Variants in ARHGAP17 observed in about 807,000 individuals in gnomAD.
ARHGAP17 encodes the protein rho GTPase-activating protein 17.
A neutral mutation model predicts 99.5 loss-of-function variants in ARHGAP17; 57 were observed. That is an observed-to-expected ratio of 0.57 (90% confidence interval 0.46 to 0.71). The LOEUF (loss-of-function observed/expected upper bound fraction) is 0.71, where lower values mean the gene tolerates loss of function less well. ARHGAP17 is among the 30% of genes least tolerant of loss of function. The pLI is 0.00. For missense variants in ARHGAP17, 1,000 were observed against 1,122.4 expected (o/e 0.89, Z 1.56); for synonymous variants, 417 against 429.6 (o/e 0.97, Z 0.36).
At chr16:24,934,560 C>A (rs2051083082) in intron 18 of ARHGAP17, among the ~76,000 whole-genome samples, 1 of 150,980 alleles carries the variant, frequency 6.6e-6, no homozygotes. Flanking sequence ...CTCAAGTGAT[C>A]CTCCTGCCTC....
chr16:24,931,139 C>A lies in ARHGAP17; in HGVS notation c.2160G>T (p.Thr720=). ...TGGTGTGCATCAGTGGCGTGGCCTG[C>A]GTAGGGGGCTGCGGCGGTGGGTGAT... The part of the protein sequence containing the change: ...APNHPPPQPP[T]QATPLMHTKP... The change falls in exon 19 of 20, where the codon ACG becomes ACT. Residue 720 remains threonine, a synonymous_variant. Coordinates refer to ENST00000289968, the MANE Select transcript of ARHGAP17 (RefSeq NM_001006634.3). The A allele has an allele frequency of 6.2e-7, 1 of 1,604,218 alleles. No individual in the cohort carries two copies. Among genetic ancestry groups the A allele is most frequent in the South Asian group, 1.1e-5 (1 of 89,188 alleles).
In ARHGAP17 at chr16:24,939,748, C is replaced by A. The variant is rs542927086; in HGVS notation, c.1491-151G>T. The A allele has an allele frequency of 9.3e-6, 7 of 755,018 alleles. No homozygotes were observed. In the South Asian group the frequency reaches 9.8e-5, roughly 11 times the overall value. The allele number at this position is 755,018 out of a possible 1,614,324, so 46.8% of individuals were successfully genotyped here. The stretch of plus-strand genomic sequence containing the variant: ...GCGGCAAGGACCAGACTAATGGCCA[C>A]CCCTGAGCAACTCCACTCGGCTTCA... On this transcript the variant is annotated intron_variant, in intron 16 of 19. Coordinates refer to ENST00000289968, the MANE Select transcript of ARHGAP17 (RefSeq NM_001006634.3).
chr16:24,929,154 CTT>C (rs77376064), intron 19 of ARHGAP17, among the ~76,000 whole-genome samples: 39 of 139,950 alleles, frequency 2.8e-4, no homozygotes, highest in Admixed American at 2.9e-4. Context: ...GAAGATATTC[CTT>C]TTTTTTTTTT....
At chr16:24,975,998 T>C (rs2052502121) in intron 3 of ARHGAP17, among the ~76,000 whole-genome samples, 1 of 151,694 alleles carries the variant, frequency 6.6e-6, no homozygotes, top group Non-Finnish European at 1.5e-5. Context: ...CTGGCCTTGA[T>C]AAAGTCTATG....
chr16:24,977,219 C>G lies in ARHGAP17; in HGVS notation c.194G>C (p.Arg65Thr). Residue 65 changes from arginine to threonine, a missense_variant, in exon 3 of 20, where the codon AGA (arginine) becomes ACA (threonine). Coordinates refer to ENST00000289968, the MANE Select transcript of ARHGAP17 (RefSeq NM_001006634.3). ...TGAGTCACATCTGATACTCACGTGT[C>G]TCCTCTCGGCATCGGTGCCATGCTG... ...QGQHGTDAER[R>T]HKKLPLTALA... The G allele has an allele frequency of 6.3e-7, 1 of 1,579,088 alleles. No homozygotes were observed. Among genetic ancestry groups the G allele is most frequent in the Non-Finnish European group, 8.7e-7 (1 of 1,155,532 alleles).
At chr16:24,976,087 AC>A (rs1381742550) in intron 3 of ARHGAP17, among the ~76,000 whole-genome samples, 1 of 151,958 alleles carries the variant, frequency 6.6e-6, no homozygotes, top group Non-Finnish European at 1.5e-5. Context: ...CCATCTCCTC[AC>A]CCCACCTCAC....
At chr16:24,989,103 G>C (rs570964566) in intron 1 of ARHGAP17, among the ~76,000 whole-genome samples, 1 of 152,310 alleles carries the variant, frequency 6.6e-6, no homozygotes, top group Non-Finnish European at 1.5e-5. Flanking sequence ...GAGCTGAAAA[G>C]CCACACAAAA....
chr16:25,001,307 A>C (rs532417810), intron 1 of ARHGAP17, among the ~76,000 whole-genome samples: 1 of 152,368 alleles, frequency 6.6e-6, no homozygotes, highest in African/African-American at 2.4e-5. Context: ...TTGTACACAC[A>C]AAGTCATGTG....
Position 24,935,458 on chromosome 16 carries a change from G to GTGGCTGCTTACCTCGGC in ARHGAP17, c.1889_1894+11dup. 6.3e-7 allele frequency: 1 copy of GTGGCTGCTTACCTCGGC among 1,576,226 alleles called. No homozygotes were observed. The highest frequency in any genetic ancestry group is 1.1e-5 in the South Asian group (1 of 86,980). On this transcript the variant is annotated intron_variant, in intron 18 of 19. Coordinates refer to ENST00000289968, the MANE Select transcript of ARHGAP17 (RefSeq NM_001006634.3). Reference sequence around the variant, plus strand: ...GGCTTCCCTGAGGGCAAGGAGGACGGTGGCTGCTTACCTCGGCGCAGTGTA... The same window carrying GTGGCTGCTTACCTCGGC: ...GGCTTCCCTGAGGGCAAGGAGGACGGTGGCTGCTTACCTCGGCTGGCTGCTTACCTCGGCGCAGTGTA...
At chr16:24,926,134 A>AAGAG (rs2050837594) in intron 19 of ARHGAP17, among the ~76,000 whole-genome samples, 1 of 151,022 alleles carries the variant, frequency 6.6e-6, no homozygotes, top group African/African-American at 2.5e-5. Flanking sequence ...AAAGAAAAGA[A>AAGAG]AAGAGAAGAG....
chr16:25,010,619 G>C (rs541744942), intron 1 of ARHGAP17, among the ~76,000 whole-genome samples: 2 of 152,360 alleles, frequency 1.3e-5, no homozygotes, highest in South Asian at 4.1e-4. Flanking sequence ...CAATTTCTGA[G>C]TCCTTCTAGA....
At chr16:24,986,460 T>C (rs935461172) in intron 1 of ARHGAP17, among the ~76,000 whole-genome samples, 4 of 152,078 alleles carry the variant, frequency 2.6e-5, no homozygotes, top group African/African-American at 7.3e-5. Context: ...CTCAGAAGAA[T>C]GGTTATTTTA....
chr16:24,941,707 A>C (rs2051317190), intron 16 of ARHGAP17: 1 of 418,466 alleles, frequency 2.4e-6, no homozygotes, highest in African/African-American at 2.0e-5. Context: ...CACTTTTAAC[A>C]TGTGTATGAT....
At chr16:24,978,891 C>T (rs2052594662) in intron 2 of ARHGAP17, 75 bp downstream of exon 2, 1 of 973,704 alleles carries the variant, frequency 1.0e-6, no homozygotes, top group Non-Finnish European at 1.5e-6. Flanking sequence ...AAAAAGCCCA[C>T]AGGCCTCAAT....
At chr16:25,006,241 G>T (rs1406420772) in intron 1 of ARHGAP17, among the ~76,000 whole-genome samples, 1 of 151,096 alleles carries the variant, frequency 6.6e-6, no homozygotes, top group Non-Finnish European at 1.5e-5. Context: ...GTCAGTTCCA[G>T]ACCAGCCTGG....
At chr16:25,015,094 A>T in intron 1 of ARHGAP17, 115 bp downstream of exon 1, 1 of 1,016,566 alleles carries the variant, frequency 9.8e-7, no homozygotes, top group Non-Finnish European at 1.2e-6. Flanking sequence ...GGTCTCGGGC[A>T]GGGGCTGCGG....
chr16:24,962,462 A>G (rs1567233595), intron 7 of ARHGAP17, among the ~76,000 whole-genome samples: 1 of 152,250 alleles, frequency 6.6e-6, no homozygotes, highest in South Asian at 2.1e-4. Context: ...ATTGGCCAAG[A>G]GATTTCACAA....
intron 13 of ARHGAP17, among the ~76,000 whole-genome samples, chr16:24,947,888 C>G (rs2051521041): frequency 6.6e-6 from 1 of 152,098 alleles, no homozygotes; most frequent in South Asian, 2.1e-4. Context: ...TCTATTCTAC[C>G]CCTATTATAA....
chr16:24,981,908 A>C (rs532101623), intron 1 of ARHGAP17, among the ~76,000 whole-genome samples: 1 of 152,256 alleles, frequency 6.6e-6, no homozygotes, highest in East Asian at 1.9e-4. Flanking sequence ...TTTTTTTCAA[A>C]TTAACTGGAC....
Sources: gnomAD v4.1 joint callset for allele counts (sites outside exome capture counted in the v4.1 genomes callset) on GRCh38, gnomAD v4.1.1 for gene constraint, MANE v1.5 for transcripts, NCBI Gene and HGNC (gene_info 2026-07-23, HGNC 2026-07-21) for gene names.